The following FBN1 variants were observed in gnomAD, a reference collection of about 807,000 sequenced individuals.
FBN1 encodes the protein fibrillin-1.
FBN1 carries 29 observed loss-of-function variants against 365.1 expected under a neutral mutation model. The observed-to-expected ratio is 0.08, with a 90% CI of 0.06 to 0.11. The LOEUF (loss-of-function observed/expected upper bound fraction) is 0.11. FBN1 is among the 10% of genes least tolerant of loss of function. The pLI is 1.00. For missense variants in FBN1, 2,476 were observed against 3,703.2 expected (o/e 0.67, Z 8.60); for synonymous variants, 1,210 against 1,270.5 (o/e 0.95, Z 1.01).
At position 48,508,584 on chromosome 15, in the gene FBN1, T is replaced by C. The variant is rs1374717312; in HGVS notation, c.1835A>G (p.Lys612Arg). ...ATCTAGGGTTTTATAGCACGAACCT[T>C]TGCAATAACGTCCATCTGATGCCAG... The part of the protein sequence containing the change: ...FQLASDGRYC[K>R]DINECETPGI... Residue 612 changes from lysine (K) to arginine (R), a missense_variant and splice_region_variant, in exon 15 of 66, where the codon AAA (lysine) becomes AGA (arginine). Lys to Arg is a conservative substitution (Grantham distance 26). Transcript: ENST00000316623. 1.9e-6 allele frequency: 3 copies of C among 1,613,678 alleles called. No homozygotes were observed. Among genetic ancestry groups the C allele is most frequent in the South Asian group, 2.2e-5 (2 of 91,074 alleles).
chr15:48,568,006 A>AAAGAAAGAAAGG, intron 6 of FBN1, among the ~76,000 whole-genome samples: 1 of 97,366 alleles, frequency 1.0e-5, no homozygotes, highest in Non-Finnish European at 1.9e-5. Context: ...GATAAGAAAG[A>AAAGAAAGAAAGG]AAGAAAGAAA....
intron 42 of FBN1, among the ~76,000 whole-genome samples, chr15:48,461,251 G>C (rs1368066506): frequency 6.6e-6 from 1 of 152,104 alleles, no homozygotes; most frequent in Admixed American, 6.5e-5. Context: ...GAAAAGCCAT[G>C]ACTGAATTTG....
intron 6 of FBN1, among the ~76,000 whole-genome samples, chr15:48,595,189 A>G (rs2044507223): frequency 6.6e-6 from 1 of 152,214 alleles, no homozygotes; most frequent in Admixed American, 6.5e-5. Context: ...AAATAACTGA[A>G]TTTAGATAAA....
At chr15:48,547,684 T>TA (rs1213975712) in intron 6 of FBN1, among the ~76,000 whole-genome samples, 1 of 151,816 alleles carries the variant, frequency 6.6e-6, no homozygotes, top group Non-Finnish European at 1.5e-5. Flanking sequence ...TGCTAATAGA[T>TA]ATGTGGTATA....
At chr15:48,545,426 G>T (rs1481447115) in intron 6 of FBN1, among the ~76,000 whole-genome samples, 1 of 152,174 alleles carries the variant, frequency 6.6e-6, no homozygotes, top group Admixed American at 6.5e-5. Flanking sequence ...TACGTGGAGG[G>T]TGAAGGCATA....
At chr15:48,412,873 G>T in intron 64 of FBN1, 130 bp from the exon 65 acceptor site, 1 of 1,085,736 alleles carries the variant, frequency 9.2e-7, no homozygotes, top group South Asian at 1.3e-5. Context: ...TGGAGGATCA[G>T]CTAGTTCTGA....
At chr15:48,601,986 C>T (rs1238727362) in intron 4 of FBN1, among the ~76,000 whole-genome samples, 2 of 152,210 alleles carry the variant, frequency 1.3e-5, no homozygotes, top group Non-Finnish European at 2.9e-5. Context: ...ATCCCCTGAT[C>T]TACTTATCAG....
At chr15:48,453,457 G>A (rs1450966220) in intron 44 of FBN1, among the ~76,000 whole-genome samples, 1 of 152,036 alleles carries the variant, frequency 6.6e-6, no homozygotes, top group African/African-American at 2.4e-5. Flanking sequence ...CAAAACTCTG[G>A]AGACAGTAAA....
At chr15:48,620,933 AG>A (rs1384287786) in intron 2 of FBN1, among the ~76,000 whole-genome samples, 3 of 152,224 alleles carry the variant, frequency 2.0e-5, no homozygotes, top group Admixed American at 1.3e-4. Flanking sequence ...AGAAAGTATA[AG>A]GAAGTGCTAA....
chr15:48,639,414 T>C (rs955559070), intron 2 of FBN1, among the ~76,000 whole-genome samples: 2 of 152,210 alleles, frequency 1.3e-5, no homozygotes, highest in Non-Finnish European at 1.5e-5. Flanking sequence ...ATTGTTATTA[T>C]GTATTTGTTT....
chr15:48,546,803 T>G (rs116002053), intron 6 of FBN1, among the ~76,000 whole-genome samples: 1,748 of 152,168 alleles, frequency 0.011, 39 homozygotes, highest in African/African-American at 0.04. Context: ...GGCCAGCAGG[T>G]AGGGGACGTC....
At chr15:48,438,478 C>T (rs2043089663) in intron 50 of FBN1, among the ~76,000 whole-genome samples, 1 of 152,120 alleles carries the variant, frequency 6.6e-6, no homozygotes, top group Non-Finnish European at 1.5e-5. Context: ...AAAAATACAA[C>T]ACAAGGGTTG....
At chr15:48,534,008 A>G (rs1366470391) in intron 8 of FBN1, 72 bp downstream of exon 8, 3 of 1,598,816 alleles carry the variant, frequency 1.9e-6, no homozygotes, top group East Asian at 2.2e-5. Context: ...ATTTGCAAAC[A>G]AGCTTGTTTC....
chr15:48,520,524 C>A, intron 10 of FBN1, 135 bp downstream of exon 10: 1 of 1,032,784 alleles, frequency 9.7e-7, no homozygotes, highest in South Asian at 1.7e-5. Context: ...GGAAATTTCC[C>A]TGGACGTCAT....
chr15:48,591,286 T>A (rs1337592158), intron 6 of FBN1, among the ~76,000 whole-genome samples: 1 of 151,914 alleles, frequency 6.6e-6, no homozygotes, highest in African/African-American at 2.4e-5. Flanking sequence ...AAAACTCAAA[T>A]GCCTCCTCAA....
At chr15:48,601,292 G>A (rs1342819144) in intron 4 of FBN1, among the ~76,000 whole-genome samples, 1 of 152,186 alleles carries the variant, frequency 6.6e-6, no homozygotes, top group Non-Finnish European at 1.5e-5. Flanking sequence ...CTATCTCTAG[G>A]TCAGTAATTT....
intron 6 of FBN1, among the ~76,000 whole-genome samples, chr15:48,541,616 A>G (rs141409218): frequency 1.4e-3 from 216 of 152,252 alleles, no homozygotes; most frequent in African/African-American, 4.6e-3. Flanking sequence ...TTAGTCCAAT[A>G]CTCCAACCGC....
chr15:48,569,344 C>G (rs1025487976), intron 6 of FBN1, among the ~76,000 whole-genome samples: 3 of 152,030 alleles, frequency 2.0e-5, no homozygotes, highest in African/African-American at 7.2e-5. Context: ...TATGGAGAAA[C>G]TAGAACCCTC....
intron 17 of FBN1, among the ~76,000 whole-genome samples, chr15:48,499,437 G>T (rs2043636850): frequency 6.6e-6 from 1 of 152,158 alleles, no homozygotes; most frequent in Non-Finnish European, 1.5e-5. Context: ...AGTGCTAGCT[G>T]TTTTTTCAGT....
Sources: gnomAD v4.1 joint callset for allele counts (sites outside exome capture counted in the v4.1 genomes callset) on GRCh38, gnomAD v4.1.1 for gene constraint, MANE v1.5 for transcripts, NCBI Gene and HGNC (gene_info 2026-07-23, HGNC 2026-07-21) for gene names.